NCALD: variants seen among roughly 807,000 people sequenced by gnomAD.
NCALD encodes neurocalcin-delta.
In NCALD, 10 loss-of-function variants were observed where a neutral mutation model predicts 18.6. The ratio of observed to expected loss-of-function variants is 0.54; its 90% CI spans 0.33 to 0.91. The LOEUF (loss-of-function observed/expected upper bound fraction) is 0.91, where lower values mean the gene tolerates loss of function less well. NCALD is among the 40% of genes least tolerant of loss of function. The pLI is 0.03. For synonymous variants in NCALD, 88 were observed against 87.4 expected, an observed-to-expected ratio of 1.01 and a Z score of -0.04; for missense variants, 184 against 247.6, an observed-to-expected ratio of 0.74 and a Z score of 1.72.
intron 2 of NCALD, among the ~76,000 whole-genome samples, chr8:101,954,786 T>C (rs1278769552): frequency 6.6e-6 from 1 of 152,220 alleles, no homozygotes; most frequent in Admixed American, 6.5e-5. Context: ...AAAGATAATA[T>C]AGAAATAAGA....
chr8:102,005,449 C>T (rs2132043463), intron 2 of NCALD, among the ~76,000 whole-genome samples: 1 of 152,278 alleles, frequency 6.6e-6, no homozygotes, highest in East Asian at 1.9e-4. Flanking sequence ...CTAGTTCAAC[C>T]ATTGTGGAAG....
rs1336243960 is a variant in NCALD, at chr8:101,743,359, G to C, written c.-19-23711C>G. On this transcript the variant is annotated intron_variant, in intron 1 of 3. Coordinates refer to ENST00000220931, the MANE Select transcript of NCALD (RefSeq NM_032041.3). ...AGATAGAGGACTGCTTTATACAAAA[G>C]TTGTGATATCTATATTCAAATAGCA... 2.6e-5 allele frequency among the ~76,000 whole-genome samples: 4 copies of C among 152,090 alleles called. No individual in the cohort carries two copies. In the South Asian group the frequency reaches 8.3e-4, roughly 31 times the overall value.
At chr8:101,959,413 A>T (rs1263300370) in intron 2 of NCALD, among the ~76,000 whole-genome samples, 1 of 152,214 alleles carries the variant, frequency 6.6e-6, no homozygotes, top group Non-Finnish European at 1.5e-5. Flanking sequence ...CAGACACACC[A>T]GAGTAAATTA....
At chr8:101,894,658 C>A (rs1434730948) in intron 3 of NCALD, among the ~76,000 whole-genome samples, 1 of 149,962 alleles carries the variant, frequency 6.7e-6, no homozygotes, top group Non-Finnish European at 1.5e-5. Context: ...CAAATAGACA[C>A]AATAAAAAAT....
At chr8:101,714,250 C>G (rs1815954446) in intron 2 of NCALD, among the ~76,000 whole-genome samples, 1 of 152,218 alleles carries the variant, frequency 6.6e-6, no homozygotes, top group South Asian at 2.1e-4. Flanking sequence ...ACCCCATCAT[C>G]TCAGCCCCAA....
intron 1 of NCALD, among the ~76,000 whole-genome samples, chr8:102,119,881 T>C (rs1825894312): frequency 6.6e-6 from 1 of 152,234 alleles, no homozygotes; most frequent in African/African-American, 2.4e-5. Context: ...TCAAGAATAT[T>C]GGTCAAATAG....
intron 1 of NCALD, among the ~76,000 whole-genome samples, chr8:101,755,331 T>C (rs1021554425): frequency 1.3e-5 from 2 of 151,410 alleles, no homozygotes; most frequent in Non-Finnish European, 2.9e-5. Flanking sequence ...AGTATTCCCG[T>C]TTGGACAATC....
At chr8:102,090,630 C>T (rs1824895074) in intron 1 of NCALD, among the ~76,000 whole-genome samples, 2 of 151,950 alleles carry the variant, frequency 1.3e-5, no homozygotes, top group Admixed American at 6.6e-5. Flanking sequence ...TTTTTGTTTT[C>T]CAGAGCCAAG....
chr8:102,099,397 G>A (rs1825202823), intron 1 of NCALD, among the ~76,000 whole-genome samples: 1 of 152,148 alleles, frequency 6.6e-6, no homozygotes, highest in Non-Finnish European at 1.5e-5. Flanking sequence ...AGACAAGAAT[G>A]TTAGATCTTA....
chr8:101,823,833 G>T (rs976142910), intron 4 of NCALD, among the ~76,000 whole-genome samples: 1 of 152,140 alleles, frequency 6.6e-6, no homozygotes, highest in East Asian at 1.9e-4. Flanking sequence ...TTATATAGGG[G>T]AATGCCAACT....
intron 3 of NCALD, among the ~76,000 whole-genome samples, chr8:101,892,211 C>A (rs1422943565): frequency 6.7e-6 from 1 of 149,376 alleles, no homozygotes; most frequent in African/African-American, 2.5e-5. Flanking sequence ...GACCCCTGAC[C>A]CCCGAGCAGC....
At chr8:101,978,885 G>A (rs1820519934) in intron 2 of NCALD, among the ~76,000 whole-genome samples, 2 of 152,188 alleles carry the variant, frequency 1.3e-5, no homozygotes, top group Non-Finnish European at 2.9e-5. Flanking sequence ...AATCAGTGTT[G>A]GGTAAAAAGC....
intron 2 of NCALD, among the ~76,000 whole-genome samples, chr8:101,948,776 G>A (rs956558826): frequency 6.6e-6 from 1 of 152,198 alleles, no homozygotes. Flanking sequence ...TGAAGACCCG[G>A]AGCCAGGCTG....
At chr8:102,041,323 C>A (rs1823042826) in intron 1 of NCALD, among the ~76,000 whole-genome samples, 1 of 152,188 alleles carries the variant, frequency 6.6e-6, no homozygotes. Context: ...AAACACTTGA[C>A]CTTATCTCCC....
intron 4 of NCALD, among the ~76,000 whole-genome samples, chr8:101,840,765 T>G (rs924465851): frequency 2.3e-4 from 35 of 152,310 alleles, no homozygotes; most frequent in African/African-American, 8.2e-4. Flanking sequence ...CAAAGAAGTT[T>G]AAAAAGTGCT....
intron 2 of NCALD, among the ~76,000 whole-genome samples, chr8:101,973,973 C>T (rs1371320170): frequency 1.3e-5 from 2 of 152,064 alleles, no homozygotes; most frequent in African/African-American, 2.4e-5. Context: ...GAAATATAAA[C>T]GCTACCAGCC....
intron 3 of NCALD, chr8:101,690,879 G>A: frequency 2.0e-6 from 2 of 985,360 alleles, no homozygotes; most frequent in African/African-American, 1.7e-5. Flanking sequence ...CTCAGGGGTC[G>A]GCTCTGGGAG....
intron 3 of NCALD, among the ~76,000 whole-genome samples, chr8:101,889,025 G>C (rs1485303283): frequency 8.4e-6 from 1 of 119,688 alleles, no homozygotes; most frequent in African/African-American, 6.1e-5. Context: ...GAACAATTTT[G>C]TTCTGGAGAT....
At chr8:102,053,613 GCT>G (rs1331239808) in intron 1 of NCALD, among the ~76,000 whole-genome samples, 1 of 152,026 alleles carries the variant, frequency 6.6e-6, no homozygotes, top group Admixed American at 6.5e-5. Flanking sequence ...AGACAATTCA[GCT>G]CCAAAGCTGG....
Sources: gnomAD v4.1 joint callset for allele counts (sites outside exome capture counted in the v4.1 genomes callset) on GRCh38, gnomAD v4.1.1 for gene constraint, MANE v1.5 for transcripts, NCBI Gene and HGNC (gene_info 2026-07-23, HGNC 2026-07-21) for gene names.